The following TBC1D16 variants were observed in gnomAD, a reference collection of about 807,000 sequenced individuals.
The protein encoded by TBC1D16 is TBC1 domain family member 16, also known as CTD-2529O21.1.
A neutral mutation model predicts 74.7 loss-of-function variants in TBC1D16; 58 were observed. The ratio of observed to expected loss-of-function variants is 0.78; its 90% confidence interval spans 0.63 to 0.97. The LOEUF (loss-of-function observed/expected upper bound fraction) is 0.97, where lower values mean the gene tolerates loss of function less well. Among genes scored for constraint, TBC1D16 ranks in the 50% least tolerant of loss-of-function variants. The probability of loss-of-function intolerance (pLI) is 0.00; values close to 1 mark genes in which losing one functional copy is unlikely to be tolerated. For synonymous variants in TBC1D16, 493 were observed against 474.7 expected, an observed-to-expected ratio of 1.04 and a Z score of -0.50; for missense variants, 1,014 against 1,079.5, an observed-to-expected ratio of 0.94 and a Z score of 0.85.
Position 79,950,472 on chromosome 17 carries a change from G to A in TBC1D16, c.1196C>T (p.Ser399Phe). The A allele has an allele frequency of 6.2e-7, 1 of 1,612,902 alleles. No homozygotes were observed. Among genetic ancestry groups the A allele is most frequent in the Non-Finnish European group, 8.5e-7 (1 of 1,179,828 alleles). ...CTCATTCAGGTGGTTGAGCCAGGCG[G>A]AGACGCCGAGCCTCTTGTACATGCT... Reference protein sequence around the residue: ...EESMYKRLGVSAWLNHLNELG... With the variant: ...EESMYKRLGVFAWLNHLNELG... The change falls in exon 6 of 12, where the codon TCC becomes TTC. Residue 399 changes from serine (S) to phenylalanine (F), a missense_variant. Physicochemically the swap from Ser to Phe is radical, Grantham distance 155. Coordinates refer to ENST00000310924, the MANE Select transcript of TBC1D16 (RefSeq NM_019020.4). The surrounding 1 kb of genome is among the most constrained non-coding windows in gnomAD (Gnocchi z 4.6).
At position 79,936,909 on chromosome 17, in the gene TBC1D16, CGT is replaced by C. The variant is rs71959726; in HGVS notation, c.*3948_*3949del. On this transcript the variant is annotated 3_prime_UTR_variant, in exon 12 of 12. Transcript: ENST00000310924. Reference sequence around the variant, plus strand: ...GTGCATGCGTGCGTGTGTGCATGTGCGTGTGTGTGTGTGTGTGTGTGTGTGTG... The same window carrying C: ...GTGCATGCGTGCGTGTGTGCATGTGCGTGTGTGTGTGTGTGTGTGTGTGTG... 0.054 allele frequency: 6,645 copies of C among 122,232 alleles called. 138 individuals are homozygous for C. Among genetic ancestry groups the C allele is most frequent in the Middle Eastern group, 0.076 (19 of 250 alleles). 7.6% of individuals were successfully genotyped at this position (122,232 alleles called of 1,614,324 possible).
intron 3 of TBC1D16, among the ~76,000 whole-genome samples, chr17:79,969,257 A>G (rs141388185): frequency 2.0e-5 from 3 of 151,786 alleles, no homozygotes; most frequent in Non-Finnish European, 4.4e-5. Context: ...GTGGTGGTGC[A>G]CACCTATAAT....
In TBC1D16 at chr17:80,015,304, C is replaced by T. The variant is rs183510585; in HGVS notation, c.-62-1695G>A. On this transcript the variant is annotated intron_variant, in intron 1 of 11. Coordinates refer to ENST00000310924, the MANE Select transcript of TBC1D16 (RefSeq NM_019020.4). ...AAAAAGTTAGCCGGGTGTGGTGGCA[C>T]GAGCCTATAATCCCAGCTACTCGGG... Among the ~76,000 whole-genome samples, 214 of 151,992 alleles carry T rather than the reference C, an allele frequency of 1.4e-3. 1 individual carries two copies. The highest frequency in any genetic ancestry group is 4.4e-3 in the African/African-American group (182 of 41,440).
intron 2 of TBC1D16, among the ~76,000 whole-genome samples, chr17:80,012,448 G>A (rs564305295): frequency 6.6e-6 from 1 of 152,218 alleles, no homozygotes; most frequent in East Asian, 1.9e-4. Flanking sequence ...CAAGGCAGGG[G>A]GACAGAACAC....
At chr17:80,003,037 A>G (rs1473409601) in intron 3 of TBC1D16, among the ~76,000 whole-genome samples, 1 of 152,226 alleles carries the variant, frequency 6.6e-6, no homozygotes, top group Admixed American at 6.5e-5. Flanking sequence ...AGAGAGGAGA[A>G]CATTCCAGCT....
Position 79,942,095 on chromosome 17 carries a change from C to A in TBC1D16, c.2020G>T (p.Ala674Ser), listed in dbSNP as rs2032066625. The part of the protein sequence containing the change: ...DQMLLHFGNL[A>S]MHMNGELVLR... Reference sequence around the variant, plus strand: ...ACGAGCTCCCCGTTCATGTGCATGGCCAGGTTTCCGAAGTGCAGGAGCATC... The same window carrying A: ...ACGAGCTCCCCGTTCATGTGCATGGACAGGTTTCCGAAGTGCAGGAGCATC... The change falls in exon 11 of 12, where the codon GCC (alanine) becomes TCC (serine). Residue 674 changes from alanine to serine, a missense_variant. Coordinates refer to ENST00000310924, the MANE Select transcript of TBC1D16 (RefSeq NM_019020.4). 8.1e-6 allele frequency: 13 copies of A among 1,612,328 alleles called. No homozygotes were observed. Among genetic ancestry groups the A allele is most frequent in the Non-Finnish European group, 1.1e-5 (13 of 1,179,792 alleles).
At chr17:80,005,249 A>AT (rs891394385) in intron 3 of TBC1D16, among the ~76,000 whole-genome samples, 9 of 151,454 alleles carry the variant, frequency 5.9e-5, no homozygotes, top group African/African-American at 2.2e-4. Context: ...CACCCAGCTA[A>AT]TTTTTTTTTC....
At chr17:79,978,098 C>G (rs1268771526) in intron 3 of TBC1D16, among the ~76,000 whole-genome samples, 2 of 152,180 alleles carry the variant, frequency 1.3e-5, no homozygotes, top group East Asian at 3.9e-4. Context: ...GCCCCATGGT[C>G]ACGGTCGAGC....
At chr17:79,970,462 T>G (rs1169828115) in intron 3 of TBC1D16, among the ~76,000 whole-genome samples, 1 of 152,226 alleles carries the variant, frequency 6.6e-6, no homozygotes, top group Non-Finnish European at 1.5e-5. Flanking sequence ...CTCTCTCCCG[T>G]CTGATTTATC....
At chr17:79,948,084 GCAGAT>G (rs1157830976) in intron 8 of TBC1D16, among the ~76,000 whole-genome samples, 1 of 152,224 alleles carries the variant, frequency 6.6e-6, no homozygotes, top group Non-Finnish European at 1.5e-5. Context: ...GCTGAGGTGG[GCAGAT>G]CACCTGAGGT....
In TBC1D16 at chr17:79,939,519, G is replaced by C. The variant is rs777143064; in HGVS notation, c.*1340C>G. The C allele has an allele frequency of 1.3e-5, 2 of 152,194 alleles. No individual in the cohort carries two copies. Among genetic ancestry groups the C allele is most frequent in the African/African-American group, 4.8e-5 (2 of 41,440 alleles). The allele number at this position is 152,194 out of a possible 1,614,324, so 9.4% of individuals were successfully genotyped here. On this transcript the variant is annotated 3_prime_UTR_variant, in exon 12 of 12. Coordinates refer to ENST00000310924, the MANE Select transcript of TBC1D16 (RefSeq NM_019020.4). Reference sequence around the variant, plus strand: ...CCATGATGGTTCTCAGCACATCAAGGGTTTTTCTCCCCAGAAGGACGCGAT... The same window carrying C: ...CCATGATGGTTCTCAGCACATCAAGCGTTTTTCTCCCCAGAAGGACGCGAT...
intron 3 of TBC1D16, among the ~76,000 whole-genome samples, chr17:79,960,950 C>CACATATGGTA (rs2033590391): frequency 6.6e-6 from 1 of 152,152 alleles, no homozygotes; most frequent in African/African-American, 2.4e-5. Flanking sequence ...ACACCCCTAC[C>CACATATGGTA]ATATGACTCA....
chr17:79,936,905 T>TGC lies in TBC1D16; in HGVS notation c.*3953_*3954insGC, dbSNP rs1217955009. On this transcript the variant is annotated 3_prime_UTR_variant, in exon 12 of 12. Coordinates refer to ENST00000310924, the MANE Select transcript of TBC1D16 (RefSeq NM_019020.4). ...GTGTGTGCATGCGTGCGTGTGTGCA[T>TGC]GTGCGTGTGTGTGTGTGTGTGTGTG... The TGC allele has an allele frequency of 1.8e-5, 1 of 56,822 alleles. No homozygotes were observed. The highest frequency in any genetic ancestry group is 6.2e-4 in the East Asian group (1 of 1,624). The allele number at this position is 56,822 out of a possible 1,614,324, so 3.5% of individuals were successfully genotyped here. A position where few individuals can be genotyped will look rare whatever the true frequency, so the allele number is the denominator to read the frequency against.
At chr17:79,995,764 G>A (rs980152990) in intron 3 of TBC1D16, among the ~76,000 whole-genome samples, 4 of 152,012 alleles carry the variant, frequency 2.6e-5, no homozygotes, top group Admixed American at 6.6e-5. Flanking sequence ...CAACCTGGGC[G>A]ACAGAGCGAA....
At chr17:79,997,824 C>T (rs1435824451) in intron 3 of TBC1D16, among the ~76,000 whole-genome samples, 1 of 152,132 alleles carries the variant, frequency 6.6e-6, no homozygotes, top group Non-Finnish European at 1.5e-5. Flanking sequence ...TGCAGCCTCA[C>T]ACAGAATAGT....
rs2034865027 is a variant in TBC1D16 at position 79,986,960 on chromosome 17, T to C, written c.779+23200A>G. 6.6e-6 allele frequency among the ~76,000 whole-genome samples: 1 copy of C among 152,226 alleles called. No individual in the cohort carries two copies. The highest frequency in any genetic ancestry group is 1.5e-5 in the Non-Finnish European group (1 of 68,038). ...ACTTGGCTCCCTTCCCGGGATGGCC[T>C]TGTAGCAAATCCATCTGGGATATGT... is the stretch of plus-strand genomic sequence containing the variant. On this transcript the variant is annotated intron_variant, in intron 3 of 11. Coordinates refer to ENST00000310924, the MANE Select transcript of TBC1D16 (RefSeq NM_019020.4). This position sits in a 1 kb window ranked among gnomAD's most constrained non-coding sequence, Gnocchi z 6.0.
intron 3 of TBC1D16, among the ~76,000 whole-genome samples, chr17:79,960,801 A>AAAAAAAAAC (rs1158785568): frequency 1.5e-4 from 22 of 149,160 alleles, no homozygotes; most frequent in Non-Finnish European, 3.1e-4. Flanking sequence ...AAAAAAAAAA[A>AAAAAAAAAC]AAAAAAAACG....
At chr17:80,016,010 C>CAAAA (rs60327293) in intron 1 of TBC1D16, among the ~76,000 whole-genome samples, 3 of 89,668 alleles carry the variant, frequency 3.3e-5, no homozygotes, top group South Asian at 3.7e-4. Context: ...GACTCCATCT[C>CAAAA]AAAAAAAAAA....
At chr17:80,006,852 G>A (rs921712934) in intron 3 of TBC1D16, among the ~76,000 whole-genome samples, 3 of 151,992 alleles carry the variant, frequency 2.0e-5, no homozygotes, top group Admixed American at 2.0e-4. Flanking sequence ...ATAGAGATGA[G>A]GTTTTGCCAT....
Sources: allele counts gnomAD v4.1 joint callset (sites outside exome capture counted in the v4.1 genomes callset), GRCh38; gene constraint gnomAD v4.1.1; non-coding constraint Gnocchi (gnomAD v3.1); transcripts MANE v1.5; gene names NCBI Gene and HGNC (gene_info 2026-07-23, HGNC 2026-07-21).